The following MTHFS variants were observed in gnomAD, a reference collection of about 807,000 sequenced individuals.
MTHFS encodes the protein 5-formyltetrahydrofolate cyclo-ligase.
In MTHFS, 7 loss-of-function variants were observed where a neutral mutation model predicts 12.7. The observed-to-expected ratio is 0.55, with a 90% CI of 0.31 to 1.03. The LOEUF is 1.03. Ranked by LOEUF, MTHFS falls within the 50% of genes least tolerant of loss-of-function variation. The probability of loss-of-function intolerance (pLI) is 0.05; values close to 1 mark genes in which losing one functional copy is unlikely to be tolerated. For synonymous variants in MTHFS, 100 were observed against 97.1 expected, an observed-to-expected ratio of 1.03 and a Z score of -0.18; for missense variants, 252 against 258.1, an observed-to-expected ratio of 0.98 and a Z score of 0.16.
intron 2 of MTHFS, among the ~76,000 whole-genome samples, chr15:79,847,118 T>C (rs565037920): frequency 6.6e-6 from 1 of 152,270 alleles, no homozygotes; most frequent in Non-Finnish European, 1.5e-5. Context: ...GAAGAATTCA[T>C]GGAAAACTCA....
At chr15:79,897,019 T>G (rs1057455587), upstream of MTHFS, 1 of 1,497,794 alleles carries the variant, frequency 6.7e-7, no homozygotes, top group East Asian at 2.7e-5. Flanking sequence ...AGTCCCGCCC[T>G]CGGCGCCCTG....
At chr15:79,878,372 T>C (rs1035477391) in intron 2 of MTHFS, among the ~76,000 whole-genome samples, 1 of 151,682 alleles carries the variant, frequency 6.6e-6, no homozygotes, top group Non-Finnish European at 1.5e-5. Flanking sequence ...GGGGATGGGC[T>C]AACTTGAGTC....
chr15:79,890,891 C>G (rs2034461722), intron 1 of MTHFS, among the ~76,000 whole-genome samples: 1 of 152,156 alleles, frequency 6.6e-6, no homozygotes, highest in Non-Finnish European at 1.5e-5. Flanking sequence ...CATCCAACTA[C>G]TATATGAGAA....
intron 2 of MTHFS, among the ~76,000 whole-genome samples, chr15:79,872,163 A>C (rs2034118573): frequency 6.6e-6 from 1 of 152,216 alleles, no homozygotes; most frequent in Admixed American, 6.5e-5. Flanking sequence ...TTTTAATAGA[A>C]TACACGAGGC....
intron 2 of MTHFS, among the ~76,000 whole-genome samples, chr15:79,873,313 T>C (rs1178417558): frequency 6.6e-6 from 1 of 152,102 alleles, no homozygotes; most frequent in Admixed American, 6.6e-5. Flanking sequence ...TTCTGATCTA[T>C]AAAATAGAGG....
intron 1 of MTHFS, among the ~76,000 whole-genome samples, chr15:79,892,772 G>A (rs1033651261): frequency 6.6e-6 from 1 of 151,958 alleles, no homozygotes; most frequent in African/African-American, 2.4e-5. Flanking sequence ...CCAACGTGGT[G>A]AAACCCCATC....
Position 79,844,851 on chromosome 15 carries a change from G to A in MTHFS, c.*359C>T, listed in dbSNP as rs1392742673. On this transcript the variant is annotated 3_prime_UTR_variant, in exon 3 of 3. Transcript: ENST00000258874. ...CAGACCAGGTCATGAAAGGCGTAAT[G>A]AAATACAGTGCCCACTCCCGCAAGT... is the stretch of plus-strand genomic sequence containing the variant. The A allele has an allele frequency of 3.6e-6, 1 of 276,130 alleles. No individual in the cohort carries two copies. 17.1% of individuals were successfully genotyped at this position (276,130 alleles called of 1,614,324 possible).
chr15:79,862,344 G>A (rs1018244348), intron 2 of MTHFS, among the ~76,000 whole-genome samples: 1 of 152,182 alleles, frequency 6.6e-6, no homozygotes, highest in Non-Finnish European at 1.5e-5. Flanking sequence ...AGAGAGGCAA[G>A]TCTTACCTGG....
chr15:79,874,855 C>A (rs2034162881), intron 2 of MTHFS, among the ~76,000 whole-genome samples: 1 of 152,106 alleles, frequency 6.6e-6, no homozygotes, highest in East Asian at 1.9e-4. Context: ...GCAGTCAGAC[C>A]TGATGGTTAT....
chr15:79,863,729 G>A (rs2033956815), intron 2 of MTHFS, among the ~76,000 whole-genome samples: 1 of 152,196 alleles, frequency 6.6e-6, no homozygotes, highest in Non-Finnish European at 1.5e-5. Flanking sequence ...ACAATTCAGA[G>A]TTGATAGCCG....
intron 2 of MTHFS, among the ~76,000 whole-genome samples, chr15:79,874,798 C>T (rs537785088): frequency 1.4e-4 from 21 of 152,246 alleles, no homozygotes; most frequent in African/African-American, 4.6e-4. Flanking sequence ...TTCTCCTATT[C>T]GCTTTTGTAA....
At position 79,894,014 on chromosome 15, in the gene MTHFS, TGTTTC is replaced by T. The variant is rs1047043181; in HGVS notation, c.117+2853_117+2857del. 3.8e-3 allele frequency among the ~76,000 whole-genome samples: 578 copies of T among 152,378 alleles called. 3 individuals are homozygous for T. The highest frequency in any genetic ancestry group is 0.013 in the African/African-American group (552 of 41,590). ...GGCAAAACACTACACAGTACACTGATGTTTCCAGTGATGATCCATTGGTTAGTCAT... is the reference window on the plus strand; with the variant it reads ...GGCAAAACACTACACAGTACACTGATCAGTGATGATCCATTGGTTAGTCAT... On this transcript the variant is annotated intron_variant, in intron 1 of 2. Coordinates refer to ENST00000258874, the MANE Select transcript of MTHFS (RefSeq NM_006441.4).
intron 1 of MTHFS, among the ~76,000 whole-genome samples, chr15:79,891,439 C>G (rs1291837492): frequency 6.6e-6 from 1 of 152,118 alleles, no homozygotes; most frequent in Non-Finnish European, 1.5e-5. Flanking sequence ...AAGAAGATAA[C>G]TGCATTTCTA....
At chr15:79,889,708 T>C (rs12898642) in intron 1 of MTHFS, among the ~76,000 whole-genome samples, 64,764 of 151,934 alleles carry the variant, frequency 0.43, 14,153 homozygotes, top group South Asian at 0.53. Context: ...CACATGCTTT[T>C]CCTAGAGTAT....
chr15:79,882,149 C>A (rs1239145246), intron 2 of MTHFS, among the ~76,000 whole-genome samples: 4 of 152,156 alleles, frequency 2.6e-5, no homozygotes, highest in Non-Finnish European at 4.4e-5. Flanking sequence ...TAAAGAAACA[C>A]GTGTTAAAGG....
chr15:79,849,259 C>T (rs2033670878), intron 2 of MTHFS, among the ~76,000 whole-genome samples: 1 of 152,194 alleles, frequency 6.6e-6, no homozygotes, highest in Admixed American at 6.5e-5. Context: ...CTAGTCTTCT[C>T]CCACTTCTGC....
intron 2 of MTHFS, among the ~76,000 whole-genome samples, chr15:79,853,125 C>T (rs967844411): frequency 6.6e-6 from 1 of 152,124 alleles, no homozygotes; most frequent in South Asian, 2.1e-4. Flanking sequence ...ATAAGGATAT[C>T]TCAGGAAGGA....
chr15:79,867,164 C>G (rs2034026049), intron 2 of MTHFS, among the ~76,000 whole-genome samples: 1 of 152,082 alleles, frequency 6.6e-6, no homozygotes, highest in Admixed American at 6.5e-5. Flanking sequence ...TTAAACATTC[C>G]TATCCAAACT....
intron 2 of MTHFS, among the ~76,000 whole-genome samples, chr15:79,865,145 G>A (rs1471264679): frequency 6.6e-6 from 1 of 152,116 alleles, no homozygotes; most frequent in African/African-American, 2.4e-5. Flanking sequence ...TTTTTACAAA[G>A]AAAACCTTGA....
Sources: gnomAD v4.1 joint callset for allele counts (sites outside exome capture counted in the v4.1 genomes callset) on GRCh38, gnomAD v4.1.1 for gene constraint, MANE v1.5 for transcripts, NCBI Gene and HGNC (gene_info 2026-07-23, HGNC 2026-07-21) for gene names.